RHBDD1: variants seen among roughly 807,000 people sequenced by gnomAD.
RHBDD1 encodes the protein rhomboid domain containing 1.
In RHBDD1, 38 loss-of-function variants were observed where a neutral mutation model predicts 36.3. The ratio of observed to expected loss-of-function variants is 1.05; its 90% CI spans 0.81 to 1.37. The LOEUF (loss-of-function observed/expected upper bound fraction) is 1.37, where lower values mean the gene tolerates loss of function less well. Ranked by LOEUF, RHBDD1 falls within the 40% of genes most tolerant of loss-of-function variation. The pLI is 0.00. For synonymous variants in RHBDD1, 151 were observed against 136.5 expected (o/e 1.11, Z -0.74); for missense variants, 393 against 377.6 (o/e 1.04, Z -0.34).
At chr2:226,976,406 G>A (rs1455875395) in intron 8 of RHBDD1, among the ~76,000 whole-genome samples, 1 of 151,606 alleles carries the variant, frequency 6.6e-6, no homozygotes, top group African/African-American at 2.4e-5. Flanking sequence ...CATCAAAGGA[G>A]CAGTACCCCA....
intron 5 of RHBDD1, among the ~76,000 whole-genome samples, chr2:226,885,703 T>A (rs994067901): frequency 6.6e-6 from 1 of 152,144 alleles, no homozygotes; most frequent in African/African-American, 2.4e-5. Context: ...CTTCAAACAT[T>A]TCCCCCCAAA....
At chr2:226,983,322 C>T (rs574145433) in intron 8 of RHBDD1, among the ~76,000 whole-genome samples, 4 of 152,064 alleles carry the variant, frequency 2.6e-5, no homozygotes, top group African/African-American at 9.7e-5. Flanking sequence ...TTTAGCCCTT[C>T]GAAGCATGCT....
rs2149286409 is a variant in RHBDD1 at position 226,965,873 on chromosome 2, G to C, written c.857-29558G>C. Among the ~76,000 whole-genome samples the C allele has an allele frequency of 2.6e-5, 4 of 151,842 alleles. No homozygotes were observed. In the South Asian group the frequency reaches 8.3e-4, roughly 32 times the overall value. The stretch of plus-strand genomic sequence containing the variant: ...AGTCCAGTGGCAGCGGGCTAGACAG[G>C]AGAACCGCAATTGCTTGAAAAAGCA... On this transcript the variant is annotated intron_variant, in intron 8 of 8. Coordinates refer to ENST00000392062, the MANE Select transcript of RHBDD1 (RefSeq NM_001167608.3).
intron 8 of RHBDD1, chr2:226,988,552 G>A: frequency 7.8e-6 from 11 of 1,418,956 alleles, no homozygotes; most frequent in Non-Finnish European, 1.0e-5. Flanking sequence ...GGCCCTCTCT[G>A]CGGACTGGTG....
rs1947050021 is a variant in RHBDD1, at chr2:226,895,733, TCATCCAGAG to T, written c.567-11057_567-11049del. ...ACTGCAAAGCTAATGATTATGACTT[TCATCCAGAG>T]CACTATTTAGAAACACTTGCCTGTG... is the stretch of plus-strand genomic sequence containing the variant. On this transcript the variant is annotated intron_variant, in intron 5 of 8. Coordinates refer to ENST00000392062, the MANE Select transcript of RHBDD1 (RefSeq NM_001167608.3). The T allele has an allele frequency of 7.1e-6, 7 of 985,248 alleles. No individual in the cohort carries two copies. The South Asian group carries it at 2.3e-4, about 33-fold the overall frequency. 61.0% of individuals were successfully genotyped at this position (985,248 alleles called of 1,614,324 possible). A position where few individuals can be genotyped will look rare whatever the true frequency, so the allele number is the denominator to read the frequency against.
At chr2:226,941,041 G>A (rs1950629486) in intron 8 of RHBDD1, among the ~76,000 whole-genome samples, 1 of 123,804 alleles carries the variant, frequency 8.1e-6, no homozygotes, top group South Asian at 2.8e-4. Flanking sequence ...CCACCTCTCA[G>A]GTTCAAGCAA....
the RHBDD1 span, among the ~76,000 whole-genome samples, chr2:226,826,480 T>C: frequency 3.3e-5 from 5 of 151,992 alleles, no homozygotes; most frequent in Non-Finnish European, 2.9e-5. Context: ...AACTTATTAC[T>C]GACAGGATTC....
At chr2:226,900,763 G>A (rs1383823569) in intron 5 of RHBDD1, among the ~76,000 whole-genome samples, 1 of 152,114 alleles carries the variant, frequency 6.6e-6, no homozygotes, top group African/African-American at 2.4e-5. Flanking sequence ...TGTTGTATAT[G>A]TTTAAGGTGT....
chr2:226,880,736 CT>C, intron 5 of RHBDD1, among the ~76,000 whole-genome samples: 1 of 152,182 alleles, frequency 6.6e-6, no homozygotes, highest in East Asian at 1.9e-4. Flanking sequence ...CATCTGACTA[CT>C]GAGTTTTCTT....
intron 7 of RHBDD1, among the ~76,000 whole-genome samples, chr2:226,912,852 T>C (rs555576775): frequency 6.6e-6 from 1 of 152,286 alleles, no homozygotes; most frequent in African/African-American, 2.4e-5. Context: ...ATAAATTGTA[T>C]GGATGTCAAT....
intron 3 of RHBDD1, among the ~76,000 whole-genome samples, chr2:226,849,325 C>T (rs566364192): frequency 6.6e-6 from 1 of 152,250 alleles, no homozygotes; most frequent in African/African-American, 2.4e-5. Context: ...TCCCTGGTGA[C>T]ATCCTACTGG....
intron 8 of RHBDD1, among the ~76,000 whole-genome samples, chr2:226,964,180 C>T (rs567316960): frequency 6.6e-5 from 10 of 152,134 alleles, no homozygotes; most frequent in African/African-American, 9.7e-5. Flanking sequence ...CATCCTTCCC[C>T]GTTCCATTTA....
At position 226,842,474 on chromosome 2, in the gene RHBDD1, T is replaced by C. The variant is rs375153216; in HGVS notation, c.-91+2847T>C. On this transcript the variant is annotated intron_variant, in intron 3 of 8. Transcript: ENST00000392062. ...TGTGAGTTAATTTTTGTATGTAATATAAGGGGTCTAGTTTCAGTTTTCTGC... is the reference window on the plus strand; with the variant it reads ...TGTGAGTTAATTTTTGTATGTAATACAAGGGGTCTAGTTTCAGTTTTCTGC... 1.9e-4 allele frequency among the ~76,000 whole-genome samples: 29 copies of C among 152,092 alleles called. No individual in the cohort carries two copies. In the South Asian group the frequency reaches 4.8e-3, roughly 25 times the overall value.
At chr2:226,880,887 C>T (rs56711297) in intron 5 of RHBDD1, among the ~76,000 whole-genome samples, 2,242 of 152,262 alleles carry the variant, frequency 0.015, 64 homozygotes, top group African/African-American at 0.052. Context: ...GAACAACATA[C>T]TCCGTGTAGA....
At chr2:226,921,965 C>A (rs906762431) in intron 8 of RHBDD1, among the ~76,000 whole-genome samples, 3 of 151,972 alleles carry the variant, frequency 2.0e-5, no homozygotes, top group African/African-American at 7.2e-5. Context: ...GTATTGGGAT[C>A]GATCGATCTC....
chr2:226,980,677 A>T (rs1955524746), intron 8 of RHBDD1, among the ~76,000 whole-genome samples: 1 of 152,156 alleles, frequency 6.6e-6, no homozygotes, highest in Non-Finnish European at 1.5e-5. Context: ...CTAGCTTTTT[A>T]TCTGGCCAAA....
At chr2:226,944,698 T>A (rs995225208) in intron 8 of RHBDD1, among the ~76,000 whole-genome samples, 1 of 152,190 alleles carries the variant, frequency 6.6e-6, no homozygotes, top group Non-Finnish European at 1.5e-5. Context: ...TGTAGTGATA[T>A]TATAATATTT....
At chr2:226,931,872 G>GA (rs75740261) in intron 8 of RHBDD1, among the ~76,000 whole-genome samples, 98 of 150,166 alleles carry the variant, frequency 6.5e-4, no homozygotes, top group Admixed American at 2.0e-3. Context: ...GATATCTACT[G>GA]AAAAAAAAAA....
At chr2:226,833,774 T>C (rs966275279), upstream of RHBDD1, among the ~76,000 whole-genome samples, 1 of 152,200 alleles carries the variant, frequency 6.6e-6, no homozygotes, top group African/African-American at 2.4e-5. Context: ...CCTTGCTCAG[T>C]GAAAGGATGC....
Sources: allele counts gnomAD v4.1 joint callset (sites outside exome capture counted in the v4.1 genomes callset), GRCh38; gene constraint gnomAD v4.1.1; transcripts MANE v1.5; gene names NCBI Gene and HGNC (gene_info 2026-07-23, HGNC 2026-07-21).